The following LRRC56 variants were observed in gnomAD, a reference collection of about 807,000 sequenced individuals.
LRRC56 encodes the protein leucine-rich repeat-containing protein 56.
In LRRC56, 41 loss-of-function variants were observed where a neutral mutation model predicts 47.8. The observed-to-expected ratio is 0.86, with a 90% CI of 0.67 to 1.11. LRRC56 has a LOEUF of 1.11. LRRC56 is among the 50% of genes most tolerant of loss of function. The pLI is 0.00. For missense variants in LRRC56, 759 were observed against 704.2 expected, an observed-to-expected ratio of 1.08 and a Z score of -0.88; for synonymous variants, 387 against 311.2, an observed-to-expected ratio of 1.24 and a Z score of -2.56.
chr11:507,267 G>A, the LRRC56 span: 1 of 151,826 alleles, frequency 6.6e-6, no homozygotes, highest in African/African-American at 2.4e-5. Context: ...GCGTGGTCAG[G>A]TGCGTGGGCG....
intron 12 of LRRC56, 22 bp downstream of exon 12, chr11:552,254 C>A (rs372203824): frequency 1.2e-6 from 2 of 1,601,136 alleles, no homozygotes; most frequent in African/African-American, 2.7e-5. Flanking sequence ...TCCAGCTCTT[C>A]CACTGGGTGT....
the LRRC56 span, among the ~76,000 whole-genome samples, chr11:511,125 T>A: frequency 6.6e-6 from 1 of 151,378 alleles, no homozygotes; most frequent in Non-Finnish European, 1.5e-5. Flanking sequence ...ATCGAGACCA[T>A]CCTGGCTAAC....
chr11:543,542 G>A (rs149032222), intron 5 of LRRC56, among the ~76,000 whole-genome samples: 17 of 152,202 alleles, frequency 1.1e-4, no homozygotes, highest in East Asian at 1.9e-4. Context: ...GCAGGGAAGC[G>A]TCTTCCCACC....
In LRRC56 at chr11:554,059, AC is replaced by A; in HGVS notation, c.1414del (p.Leu472CysfsTer28). 6.2e-7 allele frequency: 1 copy of A among 1,611,058 alleles called. No homozygotes were observed. Among genetic ancestry groups the A allele is most frequent in the Non-Finnish European group, 8.5e-7 (1 of 1,179,534 alleles). ...AGCAGCTCCCCGCGGTGGTCGACAG[AC>A]CTGCAGTCCAGGGGGCGTCGGCTCC... is the stretch of plus-strand genomic sequence containing the variant. ...SGSSSPRWST[D>X]LQSRGRRLRV... On this transcript the variant is annotated frameshift_variant, in exon 14 of 14. Transcript: ENST00000270115. LOFTEE classifies it low-confidence loss of function (END_TRUNC).
the LRRC56 span, among the ~76,000 whole-genome samples, chr11:508,557 A>G: frequency 6.6e-6 from 1 of 152,190 alleles, no homozygotes; most frequent in African/African-American, 2.4e-5. Context: ...ACCTGAGGTC[A>G]GGAGTTCAAG....
chr11:518,683 C>T, the LRRC56 span, among the ~76,000 whole-genome samples: 2 of 152,254 alleles, frequency 1.3e-5, no homozygotes, highest in African/African-American at 2.4e-5. Flanking sequence ...GGAGGAGGCA[C>T]GCACGAGCCG....
At chr11:515,147 A>C in the LRRC56 span, among the ~76,000 whole-genome samples, 13 of 152,264 alleles carry the variant, frequency 8.5e-5, no homozygotes, top group African/African-American at 3.1e-4. Flanking sequence ...CTGTGGGTGC[A>C]CATGTGGGGA....
chr11:521,686 G>A, the LRRC56 span, among the ~76,000 whole-genome samples: 1 of 152,246 alleles, frequency 6.6e-6, no homozygotes, highest in African/African-American at 2.4e-5. Context: ...AGACCGAGGC[G>A]GGCAGATCAC....
the LRRC56 span, among the ~76,000 whole-genome samples, chr11:515,367 C>T: frequency 6.6e-6 from 1 of 152,208 alleles, no homozygotes; most frequent in African/African-American, 2.4e-5. Flanking sequence ...CTTGTCTTCT[C>T]AGGGCCTTTC....
At chr11:533,712 G>T, upstream of LRRC56, 1 of 1,611,416 alleles carries the variant, frequency 6.2e-7, no homozygotes, top group South Asian at 1.1e-5. Context: ...GGACGCAGCC[G>T]GCCTGGCCCC....
the LRRC56 span, among the ~76,000 whole-genome samples, chr11:518,964 G>C: frequency 6.6e-6 from 1 of 151,558 alleles, no homozygotes; most frequent in African/African-American, 2.4e-5. Flanking sequence ...AGGGGAACTT[G>C]CGGCCCCAAG....
At position 540,577 on chromosome 11, in the gene LRRC56, C is replaced by T. The variant is rs547396532; in HGVS notation, c.-11-97C>T. 111 of 929,596 alleles carry T rather than the reference C, an allele frequency of 1.2e-4. No homozygotes were observed. In the African/African-American group the frequency reaches 3.2e-3, roughly 27 times the overall value. The allele number at this position is 929,596 out of a possible 1,614,324, so 57.6% of individuals were successfully genotyped here. A position where few individuals can be genotyped will look rare whatever the true frequency, so the allele number is the denominator to read the frequency against. Reference sequence around the variant, plus strand: ...GGTGGGTGCCAAGGGCTTGCTGTGACGGGGGCGGGGGGTTGAGGGCTGGGC... The same window carrying T: ...GGTGGGTGCCAAGGGCTTGCTGTGATGGGGGCGGGGGGTTGAGGGCTGGGC... On this transcript the variant is annotated intron_variant, in intron 3 of 13. Coordinates refer to ENST00000270115, the MANE Select transcript of LRRC56 (RefSeq NM_198075.4).
chr11:519,131 C>A, the LRRC56 span, among the ~76,000 whole-genome samples: 7 of 152,288 alleles, frequency 4.6e-5, no homozygotes, highest in Admixed American at 2.6e-4. Flanking sequence ...AAAAGCTAGA[C>A]GACATTTTCA....
At chr11:536,664 G>A (rs1220389916), upstream of LRRC56, among the ~76,000 whole-genome samples, 2 of 152,208 alleles carry the variant, frequency 1.3e-5, no homozygotes, top group African/African-American at 2.4e-5. Context: ...CCAGCTACTC[G>A]GGAGGCTGAG....
At chr11:549,114 C>T (rs539093892) in intron 6 of LRRC56, among the ~76,000 whole-genome samples, 8 of 152,152 alleles carry the variant, frequency 5.3e-5, no homozygotes, top group South Asian at 2.1e-4. Context: ...ACACAGTGGG[C>T]GGAATGAAGC....
the LRRC56 span, among the ~76,000 whole-genome samples, chr11:527,698 AT>A: frequency 0.013 from 1,466 of 111,490 alleles, 16 homozygotes; most frequent in African/African-American, 0.04. Context: ...CGCCCGGCTA[AT>A]TTTTTTTTTT....
rs1278799320 is a variant in LRRC56 at position 554,572 on chromosome 11, G to A, written c.*296G>A. 4.8e-6 allele frequency: 2 copies of A among 419,278 alleles called. No homozygotes were observed. The highest frequency in any genetic ancestry group is 8.4e-6 in the Non-Finnish European group (2 of 236,800). The allele number at this position is 419,278 out of a possible 1,614,324, so 26.0% of individuals were successfully genotyped here. A position where few individuals can be genotyped will look rare whatever the true frequency, so the allele number is the denominator to read the frequency against. ...GCACGGGGGTGGGGGGTGGTCACCC[G>A]AGCAGGCCTGTGAGAGGCCTCTCCT... On this transcript the variant is annotated 3_prime_UTR_variant, in exon 14 of 14. Transcript: ENST00000270115.
In LRRC56 at chr11:549,994, T is replaced by G; in HGVS notation, c.419T>G (p.Leu140Arg). The stretch of plus-strand genomic sequence containing the variant: ...GATGGCATCGCCTCTTTGCCAGCAC[T>G]TAAGGTGAGTCTGGGCACCCTGGGC... ...DLDGIASLPA[L>R]KELYASYNNI... Residue 140 changes from leucine (L) to arginine (R), a missense_variant, in exon 7 of 14, where the codon CTT becomes CGT. Transcript: ENST00000270115. 6.2e-7 allele frequency: 1 copy of G among 1,612,764 alleles called. No homozygotes were observed. The highest frequency in any genetic ancestry group is 1.3e-5 in the African/African-American group (1 of 75,048).
At chr11:521,247 G>T in the LRRC56 span, among the ~76,000 whole-genome samples, 1 of 152,168 alleles carries the variant, frequency 6.6e-6, no homozygotes, top group Non-Finnish European at 1.5e-5. Context: ...ATATGAAATG[G>T]TAACTCACCA....
Sources: gnomAD v4.1 joint callset for allele counts (sites outside exome capture counted in the v4.1 genomes callset) on GRCh38, gnomAD v4.1.1 for gene constraint, MANE v1.5 for transcripts, NCBI Gene and HGNC (gene_info 2026-07-23, HGNC 2026-07-21) for gene names.